The following RIT2 variants were observed in gnomAD, a reference collection of about 807,000 sequenced individuals.
RIT2 encodes Ras like without CAAX 2, also known as GTP-binding protein Rit2.
RIT2 carries 24 observed loss-of-function variants against 23.7 expected under a neutral mutation model. The observed-to-expected ratio is 1.01, with a 90% CI of 0.73 to 1.43. The LOEUF (loss-of-function observed/expected upper bound fraction) is 1.43. Ranked by LOEUF, RIT2 falls within the 40% of genes most tolerant of loss-of-function variation. RIT2 has a pLI of 0.00. For synonymous variants in RIT2, 107 were observed against 91.1 expected, an observed-to-expected ratio of 1.17 and a Z score of -0.99; for missense variants, 236 against 266.9, an observed-to-expected ratio of 0.88 and a Z score of 0.81.
chr18:42,928,645 C>T (rs1909244343), intron 3 of RIT2, among the ~76,000 whole-genome samples: 1 of 151,856 alleles, frequency 6.6e-6, no homozygotes, highest in Non-Finnish European at 1.5e-5. Context: ...GTCTAGGTAT[C>T]ATGAATTTAC....
chr18:42,878,593 G>A (rs1023893294), intron 4 of RIT2, among the ~76,000 whole-genome samples: 62 of 147,728 alleles, frequency 4.2e-4, no homozygotes, highest in Non-Finnish European at 7.3e-4. Flanking sequence ...GTGTGTGTGT[G>A]TGTGTATGTG....
intron 4 of RIT2, among the ~76,000 whole-genome samples, chr18:42,898,652 A>G (rs1164274307): frequency 6.6e-6 from 1 of 152,156 alleles, no homozygotes; most frequent in African/African-American, 2.4e-5. Flanking sequence ...TTTGCCCTCA[A>G]AATGTCCTTT....
chr18:42,776,169 G>A (rs1913667609), intron 4 of RIT2, among the ~76,000 whole-genome samples: 1 of 152,112 alleles, frequency 6.6e-6, no homozygotes, highest in South Asian at 2.1e-4. Flanking sequence ...GTATTTCCAG[G>A]GCTTGGGCAA....
intron 4 of RIT2, among the ~76,000 whole-genome samples, chr18:42,901,825 TG>T (rs1908483660): frequency 6.6e-6 from 1 of 151,966 alleles, no homozygotes; most frequent in African/African-American, 2.4e-5. Context: ...AAACACCACT[TG>T]TTGAATTTTG....
intron 2 of RIT2, among the ~76,000 whole-genome samples, chr18:43,002,410 A>G (rs1911126877): frequency 1.3e-5 from 2 of 151,944 alleles, no homozygotes; most frequent in South Asian, 4.1e-4. Context: ...CCTCACAGAC[A>G]CACCCAGGAA....
intron 3 of RIT2, among the ~76,000 whole-genome samples, chr18:42,957,884 A>C (rs2144182088): frequency 6.6e-6 from 1 of 152,352 alleles, no homozygotes; most frequent in Middle Eastern, 3.4e-3. Flanking sequence ...AAGAAAACAC[A>C]ACTGACTCTT....
chr18:42,746,351 C>T (rs1386302259), intron 4 of RIT2, among the ~76,000 whole-genome samples: 3 of 152,042 alleles, frequency 2.0e-5, no homozygotes, highest in African/African-American at 7.2e-5. Context: ...AAGACAAAGA[C>T]TGTTCAACCA....
chr18:43,076,485 T>C (rs528047797), intron 1 of RIT2, among the ~76,000 whole-genome samples: 5 of 152,026 alleles, frequency 3.3e-5, no homozygotes, highest in Non-Finnish European at 5.9e-5. Context: ...GTTCTAATGA[T>C]GTATATGTTG....
At position 42,972,068 on chromosome 18, in the gene RIT2, T is replaced by C. The variant is rs548882033; in HGVS notation, c.234+2006A>G. 8.5e-5 allele frequency among the ~76,000 whole-genome samples: 13 copies of C among 152,138 alleles called. No individual in the cohort carries two copies. In the South Asian group the frequency reaches 2.7e-3, roughly 32 times the overall value. The stretch of plus-strand genomic sequence containing the variant: ...TGTTTCCAACAACACAAATTTGCTA[T>C]TTCCCAGAGCAGCCATTTTTTTTAT... On this transcript the variant is annotated intron_variant, in intron 3 of 4. Coordinates refer to ENST00000326695, the MANE Select transcript of RIT2 (RefSeq NM_002930.4).
intron 1 of RIT2, among the ~76,000 whole-genome samples, chr18:43,073,551 C>T (rs1218618609): frequency 1.3e-5 from 2 of 152,152 alleles, no homozygotes; most frequent in Non-Finnish European, 1.5e-5. Flanking sequence ...CTAAGGCCCT[C>T]GTCCAAAGAT....
chr18:42,873,264 T>TATC (rs2144066718), intron 4 of RIT2, among the ~76,000 whole-genome samples: 1 of 152,338 alleles, frequency 6.6e-6, no homozygotes, highest in South Asian at 2.1e-4. Context: ...TTTTGTGCTT[T>TATC]ATCTATTGAA....
intron 4 of RIT2, chr18:42,923,230 G>A (rs1330604093): frequency 5.5e-6 from 1 of 183,096 alleles, no homozygotes; most frequent in Non-Finnish European, 1.1e-5. Context: ...TTCTTTACTT[G>A]AACTCAAGGG....
chr18:43,100,653 C>A (rs1343354660), intron 1 of RIT2, among the ~76,000 whole-genome samples: 1 of 152,032 alleles, frequency 6.6e-6, no homozygotes, highest in Non-Finnish European at 1.5e-5. Context: ...TCTGGATATA[C>A]ATAGAAGACA....
At chr18:43,015,673 A>G (rs1357390888) in intron 2 of RIT2, among the ~76,000 whole-genome samples, 2 of 151,728 alleles carry the variant, frequency 1.3e-5, no homozygotes, top group Non-Finnish European at 3.0e-5. Flanking sequence ...ACCTAGATTT[A>G]TTGATCAGAT....
At chr18:42,819,178 G>C (rs1906080521) in intron 4 of RIT2, among the ~76,000 whole-genome samples, 1 of 152,032 alleles carries the variant, frequency 6.6e-6, no homozygotes, top group Admixed American at 6.6e-5. Flanking sequence ...AGATGTTACA[G>C]TTGAAATTGG....
intron 4 of RIT2, among the ~76,000 whole-genome samples, chr18:42,900,019 T>G (rs1032472120): frequency 6.6e-6 from 1 of 152,042 alleles, no homozygotes; most frequent in South Asian, 2.1e-4. Context: ...TAAAATTTAA[T>G]TAATTAATGA....
chr18:42,888,291 C>T (rs1384895814), intron 4 of RIT2, among the ~76,000 whole-genome samples: 1 of 151,872 alleles, frequency 6.6e-6, no homozygotes, highest in Non-Finnish European at 1.5e-5. Flanking sequence ...TTGCTGTGAA[C>T]CTAAAACTTC....
chr18:42,837,505 C>A (rs1208971504), intron 4 of RIT2, among the ~76,000 whole-genome samples: 1 of 151,876 alleles, frequency 6.6e-6, no homozygotes, highest in Non-Finnish European at 1.5e-5. Flanking sequence ...ACATTCTATA[C>A]TTTTTTCATG....
intron 4 of RIT2, among the ~76,000 whole-genome samples, chr18:42,829,309 A>G (rs1906391232): frequency 6.6e-6 from 1 of 152,224 alleles, no homozygotes; most frequent in Admixed American, 6.5e-5. Flanking sequence ...ATCTAGAATT[A>G]CAAAAGTAAA....
Sources: gnomAD v4.1 joint callset for allele counts (sites outside exome capture counted in the v4.1 genomes callset) on GRCh38, gnomAD v4.1.1 for gene constraint, MANE v1.5 for transcripts, NCBI Gene and HGNC (gene_info 2026-07-23, HGNC 2026-07-21) for gene names.